The following CUL5 variants were observed in gnomAD, a reference collection of about 807,000 sequenced individuals.
The protein encoded by CUL5 is cullin-5.
Under a neutral mutation model 108.8 loss-of-function variants are expected in CUL5, and 26 were observed. That is an observed-to-expected ratio of 0.24 (90% CI 0.18 to 0.33). CUL5 has a LOEUF of 0.33. Among genes scored for constraint, CUL5 ranks in the 10% least tolerant of loss-of-function variants. The pLI, the probability that CUL5 is intolerant of heterozygous loss-of-function variation, is 1.00. For missense variants in CUL5, 524 were observed against 909.2 expected (o/e 0.58, Z 5.45); for synonymous variants, 334 against 298.0 (o/e 1.12, Z -1.25).
intron 18 of CUL5, among the ~76,000 whole-genome samples, chr11:108,100,498 T>C (rs886635466): frequency 8.6e-5 from 13 of 151,884 alleles, no homozygotes; most frequent in Non-Finnish European, 1.8e-4. Flanking sequence ...GAGCCTAGAT[T>C]GCGCCACTGC....
At chr11:108,102,307 C>A (rs1209679034) in intron 18 of CUL5, among the ~76,000 whole-genome samples, 1 of 151,708 alleles carries the variant, frequency 6.6e-6, no homozygotes, top group African/African-American at 2.4e-5. Flanking sequence ...GGATTACAGG[C>A]GTGAGCCACC....
chr11:108,037,885 C>T (rs2135098245), intron 2 of CUL5, among the ~76,000 whole-genome samples: 1 of 152,312 alleles, frequency 6.6e-6, no homozygotes, highest in South Asian at 2.1e-4. Context: ...CAGTCTTGCA[C>T]ACGGGTCTGT....
intron 18 of CUL5, 89 bp downstream of exon 18, chr11:108,098,618 A>T (rs1864560166): frequency 4.2e-6 from 5 of 1,179,322 alleles, no homozygotes; most frequent in Non-Finnish European, 5.6e-6. Flanking sequence ...TTTGAATTTA[A>T]AAGCATGTAG....
At chr11:108,026,914 G>C (rs1591279915) in intron 1 of CUL5, among the ~76,000 whole-genome samples, 1 of 150,614 alleles carries the variant, frequency 6.6e-6, no homozygotes. Flanking sequence ...ACTTGAACTT[G>C]GGAGGCGGAG....
At chr11:108,095,087 C>A in intron 15 of CUL5, 100 bp downstream of exon 15, 1 of 1,007,166 alleles carries the variant, frequency 9.9e-7, no homozygotes, top group Non-Finnish European at 1.4e-6. Context: ...GCCTCTCTCA[C>A]ATGTAAAAGT....
chr11:108,067,123 C>T (rs965221622), intron 7 of CUL5, among the ~76,000 whole-genome samples: 1 of 152,222 alleles, frequency 6.6e-6, no homozygotes, highest in African/African-American at 2.4e-5. Flanking sequence ...TGTGGCTACT[C>T]TCAGTCTATG....
intron 1 of CUL5, among the ~76,000 whole-genome samples, chr11:108,016,307 C>T (rs1862189273): frequency 6.6e-6 from 1 of 152,028 alleles, no homozygotes; most frequent in South Asian, 2.1e-4. Context: ...CACTCTGTCC[C>T]CCAGTCTGGA....
At chr11:108,096,115 GCA>G (rs145197270) in intron 16 of CUL5, among the ~76,000 whole-genome samples, 2 of 145,978 alleles carry the variant, frequency 1.4e-5, no homozygotes, top group East Asian at 2.0e-4. Context: ...AAAAAATTAT[GCA>G]CACACACACA....
intron 13 of CUL5, among the ~76,000 whole-genome samples, chr11:108,093,571 T>C (rs1479697752): frequency 6.6e-6 from 1 of 152,230 alleles, no homozygotes; most frequent in East Asian, 1.9e-4. Context: ...TTATCTTGTT[T>C]GATTATTCTT....
chr11:108,018,614 G>T (rs994213091), intron 1 of CUL5, among the ~76,000 whole-genome samples: 2 of 152,150 alleles, frequency 1.3e-5, no homozygotes, highest in East Asian at 1.9e-4. Context: ...GGCAGAGGTT[G>T]CAGGGAGCCG....
chr11:108,017,853 A>G (rs1196951427), intron 1 of CUL5, among the ~76,000 whole-genome samples: 1 of 152,228 alleles, frequency 6.6e-6, no homozygotes, highest in Non-Finnish European at 1.5e-5. Context: ...TCTCAAAAAA[A>G]AAAAGTGTTC....
intron 2 of CUL5, among the ~76,000 whole-genome samples, chr11:108,035,624 C>G (rs1862718834): frequency 6.6e-6 from 1 of 151,742 alleles, no homozygotes; most frequent in South Asian, 2.1e-4. Flanking sequence ...GCCTGTAGTC[C>G]CATCTAATTG....
intron 1 of CUL5, among the ~76,000 whole-genome samples, chr11:108,009,872 C>G (rs142400526): frequency 3.5e-4 from 54 of 152,284 alleles, no homozygotes; most frequent in East Asian, 7.7e-4. Context: ...ACTCCACCCC[C>G]CTTCCTCCCT....
At chr11:108,020,545 T>TTG (rs1555011463) in intron 1 of CUL5, among the ~76,000 whole-genome samples, 6 of 148,364 alleles carry the variant, frequency 4.0e-5, no homozygotes, top group Admixed American at 1.3e-4. Flanking sequence ...ATTTTTTTTT[T>TTG]TTTGTTTTTT....
intron 1 of CUL5, among the ~76,000 whole-genome samples, chr11:108,031,468 G>A (rs977015214): frequency 5.3e-5 from 8 of 152,042 alleles, no homozygotes; most frequent in African/African-American, 1.9e-4. Flanking sequence ...GTTAATTTTT[G>A]CATATGGTAT....
intron 7 of CUL5, among the ~76,000 whole-genome samples, chr11:108,056,985 T>C (rs1863395630): frequency 6.6e-6 from 1 of 152,076 alleles, no homozygotes. Flanking sequence ...TTTTGGAGGA[T>C]TTGGGTATTT....
At chr11:108,068,674 G>A (rs1028811874) in intron 7 of CUL5, among the ~76,000 whole-genome samples, 2 of 152,048 alleles carry the variant, frequency 1.3e-5, no homozygotes, top group Non-Finnish European at 1.5e-5. Flanking sequence ...CAGCCTTATT[G>A]TACTTAACTT....
At chr11:108,095,089 T>A in intron 15 of CUL5, 102 bp downstream of exon 15, 1 of 962,844 alleles carries the variant, frequency 1.0e-6, no homozygotes, top group Non-Finnish European at 1.5e-6. Flanking sequence ...CTCTCTCACA[T>A]GTAAAAGTTT....
intron 7 of CUL5, among the ~76,000 whole-genome samples, chr11:108,065,604 C>T (rs1046774203): frequency 1.3e-5 from 2 of 152,150 alleles, no homozygotes; most frequent in Non-Finnish European, 1.5e-5. Context: ...TGCAGTATCT[C>T]ACAGTTGCTG....
Sources: gnomAD v4.1 joint callset for allele counts (sites outside exome capture counted in the v4.1 genomes callset) on GRCh38, gnomAD v4.1.1 for gene constraint, MANE v1.5 for transcripts, NCBI Gene and HGNC (gene_info 2026-07-23, HGNC 2026-07-21) for gene names.